NUP98: variants seen among roughly 807,000 people sequenced by gnomAD.
NUP98 encodes nuclear pore complex protein Nup98-Nup96.
In NUP98, 26 loss-of-function variants were observed where a neutral mutation model predicts 191.9. That is an observed-to-expected ratio of 0.14 (90% CI 0.10 to 0.19). The LOEUF is 0.19. NUP98 is among the 10% of genes least tolerant of loss of function. The pLI, the probability that NUP98 is intolerant of heterozygous loss-of-function variation, is 1.00. For missense variants in NUP98, 1,941 were observed against 2,178.8 expected (o/e 0.89, Z 2.17); for synonymous variants, 808 against 778.4 (o/e 1.04, Z -0.63).
chr11:3,780,181 C>T (rs574160878), intron 2 of NUP98, among the ~76,000 whole-genome samples: 119 of 152,008 alleles, frequency 7.8e-4, no homozygotes, highest in Non-Finnish European at 1.2e-3. Flanking sequence ...TTAAAAACCA[C>T]AGACATGGAC....
At chr11:3,740,922 G>A (rs898844372) in intron 12 of NUP98, among the ~76,000 whole-genome samples, 3 of 151,706 alleles carry the variant, frequency 2.0e-5, no homozygotes, top group Non-Finnish European at 4.4e-5. Context: ...AGGTTCAAGC[G>A]ATTCTCCCGC....
At chr11:3,759,981 C>CT (rs1395289837) in intron 10 of NUP98, among the ~76,000 whole-genome samples, 1 of 151,958 alleles carries the variant, frequency 6.6e-6, no homozygotes, top group Non-Finnish European at 1.5e-5. Context: ...ATGGCTGGGA[C>CT]TACAGGTGCT....
intron 14 of NUP98, among the ~76,000 whole-genome samples, chr11:3,729,715 C>CAAAAAAAAAAAAAAAAAAAAAAAAAA (rs755816362): frequency 7.5e-4 from 28 of 37,408 alleles, no homozygotes; most frequent in Non-Finnish European, 9.7e-4. Context: ...ACTCTTGCCT[C>CAAAAAAAAAAAAAAAAAAAAAAAAAA]AAAAAAAAAA....
chr11:3,787,407 C>A (rs1428713420), intron 1 of NUP98, among the ~76,000 whole-genome samples: 6 of 151,840 alleles, frequency 4.0e-5, no homozygotes, highest in Non-Finnish European at 7.4e-5. Context: ...TAGGGTGAAA[C>A]CCCCGTCTCT....
At chr11:3,731,860 A>G (rs1264336035) in intron 13 of NUP98, among the ~76,000 whole-genome samples, 1 of 152,220 alleles carries the variant, frequency 6.6e-6, no homozygotes, top group Non-Finnish European at 1.5e-5. Context: ...GTGAAAATCC[A>G]AAATCCAAAA....
chr11:3,676,446 G>T, intron 32 of NUP98, 63 bp downstream of exon 32: 1 of 1,599,562 alleles, frequency 6.3e-7, no homozygotes, highest in Non-Finnish European at 8.6e-7. Flanking sequence ...CTGAGGGTGG[G>T]GTGTAATAAT....
At chr11:3,742,699 C>CAAA (rs35895691) in intron 12 of NUP98, among the ~76,000 whole-genome samples, 16 of 82,860 alleles carry the variant, frequency 1.9e-4, no homozygotes, top group African/African-American at 4.9e-4. Context: ...ACTCTGTCTC[C>CAAA]AAAAAAAAAA....
chr11:3,791,816 T>G (rs1053823839), intron 1 of NUP98, among the ~76,000 whole-genome samples: 5 of 143,180 alleles, frequency 3.5e-5, no homozygotes, highest in African/African-American at 1.3e-4. Flanking sequence ...CACTCCAGCC[T>G]AGGCGACAGA....
At chr11:3,700,905 A>C (rs1268344801) in intron 23 of NUP98, 66 bp from the exon 24 acceptor site, 2 of 1,030,806 alleles carry the variant, frequency 1.9e-6, no homozygotes, top group Non-Finnish European at 2.9e-6. Flanking sequence ...TTTTTACTTC[A>C]ACCAAACCAC....
chr11:3,780,541 C>CAAAAAA (rs142060672), intron 2 of NUP98, among the ~76,000 whole-genome samples: 249 of 73,966 alleles, frequency 3.4e-3, no homozygotes, highest in Middle Eastern at 9.1e-3. Context: ...GACTCCATCT[C>CAAAAAA]AAAAAAAAAA....
chr11:3,785,073 G>A lies in NUP98; in HGVS notation c.-28-2928C>T, dbSNP rs538108876. The stretch of plus-strand genomic sequence containing the variant: ...GAATTGCTTGAACCCCAGAGGTGGA[G>A]CCTGCAGTGAGCTGAGATCGTGCCA... On this transcript the variant is annotated intron_variant, in intron 1 of 32. Transcript: ENST00000324932. Among the ~76,000 whole-genome samples, 93 of 151,876 alleles carry A rather than the reference G, an allele frequency of 6.1e-4. 2 individuals carry two copies. The highest frequency in any genetic ancestry group is 1.2e-3 in the Non-Finnish European group (80 of 67,988).
At chr11:3,756,517 G>T (rs2080963852) in intron 10 of NUP98, among the ~76,000 whole-genome samples, 1 of 152,032 alleles carries the variant, frequency 6.6e-6, no homozygotes, top group South Asian at 2.1e-4. Flanking sequence ...CTGCCTCCTG[G>T]GTTCAAGTGA....
At chr11:3,738,493 C>T (rs1037104926) in intron 12 of NUP98, among the ~76,000 whole-genome samples, 1 of 152,084 alleles carries the variant, frequency 6.6e-6, no homozygotes, top group African/African-American at 2.4e-5. Flanking sequence ...CACAAATATA[C>T]TACAGCAAGG....
At chr11:3,794,451 G>A (rs1361710403) in intron 1 of NUP98, among the ~76,000 whole-genome samples, 1 of 152,022 alleles carries the variant, frequency 6.6e-6, no homozygotes, top group Non-Finnish European at 1.5e-5. Flanking sequence ...CTCCCGAGTA[G>A]CTGGGGCAAT....
chr11:3,773,604 C>T, intron 6 of NUP98, 28 bp downstream of exon 6: 1 of 1,341,908 alleles, frequency 7.5e-7, no homozygotes. Flanking sequence ...AAAGGTTAGA[C>T]TGACATTCTG....
chr11:3,792,341 G>C (rs1174542220), intron 1 of NUP98, among the ~76,000 whole-genome samples: 2 of 152,142 alleles, frequency 1.3e-5, no homozygotes, highest in African/African-American at 4.8e-5. Flanking sequence ...AGGCCTATGG[G>C]GCTCATGCCT....
At chr11:3,783,382 T>C (rs1002389235) in intron 1 of NUP98, among the ~76,000 whole-genome samples, 3 of 151,952 alleles carry the variant, frequency 2.0e-5, no homozygotes, top group East Asian at 1.9e-4. Flanking sequence ...GGTGAGACAA[T>C]GTCTCAAAAA....
At chr11:3,698,997 G>T in intron 25 of NUP98, 85 bp downstream of exon 25, 1 of 1,493,766 alleles carries the variant, frequency 6.7e-7, no homozygotes. Flanking sequence ...AAGCCAAAGG[G>T]AAATGCACAA....
chr11:3,791,885 A>G (rs1190501449), intron 1 of NUP98, among the ~76,000 whole-genome samples: 1 of 151,538 alleles, frequency 6.6e-6, no homozygotes, highest in Non-Finnish European at 1.5e-5. Context: ...TACAACTACA[A>G]AAACATGCAT....
Sources: allele counts gnomAD v4.1 joint callset (sites outside exome capture counted in the v4.1 genomes callset), GRCh38; gene constraint gnomAD v4.1.1; transcripts MANE v1.5; gene names NCBI Gene and HGNC (gene_info 2026-07-23, HGNC 2026-07-21).